Variants in GRM7 observed in about 807,000 individuals in gnomAD.
GRM7 encodes glutamate metabotropic receptor 7.
Under a neutral mutation model 84.5 loss-of-function variants are expected in GRM7, and 35 were observed. The ratio of observed to expected loss-of-function variants is 0.41; its 90% CI spans 0.32 to 0.55. The LOEUF (loss-of-function observed/expected upper bound fraction) is 0.55. Ranked by LOEUF, GRM7 falls within the 20% of genes least tolerant of loss-of-function variation. The pLI is 0.19. For missense variants in GRM7, 1,003 were observed against 1,194.6 expected, an observed-to-expected ratio of 0.84 and a Z score of 2.36; for synonymous variants, 487 against 455.1, an observed-to-expected ratio of 1.07 and a Z score of -0.89.
At chr3:6,944,766 T>A (rs1698002934) in intron 1 of GRM7, among the ~76,000 whole-genome samples, 1 of 152,158 alleles carries the variant, frequency 6.6e-6, no homozygotes, top group Non-Finnish European at 1.5e-5. Context: ...TCTGTCTTAC[T>A]TATTTGGTAG....
intron 1 of GRM7, among the ~76,000 whole-genome samples, chr3:7,064,856 C>G (rs973123737): frequency 6.6e-6 from 1 of 151,450 alleles, no homozygotes; most frequent in African/African-American, 2.4e-5. Context: ...ATGCCAACAT[C>G]TACTGTTTTT....
At chr3:6,948,040 T>C (rs1476922438) in intron 1 of GRM7, among the ~76,000 whole-genome samples, 1 of 152,210 alleles carries the variant, frequency 6.6e-6, no homozygotes, top group East Asian at 1.9e-4. Flanking sequence ...AAGGGTTTAT[T>C]GTGTCTCTAT....
chr3:7,493,898 A>G (rs919369394), intron 7 of GRM7, among the ~76,000 whole-genome samples: 1 of 152,056 alleles, frequency 6.6e-6, no homozygotes, highest in African/African-American at 2.4e-5. Context: ...ATAGTCTACT[A>G]AAGTCTACAT....
At position 7,068,495 on chromosome 3, in the gene GRM7, C is replaced by A. The variant is rs573889350; in HGVS notation, c.520-77957C>A. Among the ~76,000 whole-genome samples, 5 of 152,102 alleles carry A rather than the reference C, an allele frequency of 3.3e-5. No homozygotes were observed. In the South Asian group the frequency reaches 1.0e-3, roughly 32 times the overall value. ...CTGCAATACCCATGTATTTCATGAT[C>A]TTCTATAAGAACCGGTTTTGATTTT... is the stretch of plus-strand genomic sequence containing the variant. On this transcript the variant is annotated intron_variant, in intron 1 of 9. Coordinates refer to ENST00000357716, the MANE Select transcript of GRM7 (RefSeq NM_000844.4).
chr3:6,982,215 T>G (rs574969324), intron 1 of GRM7, among the ~76,000 whole-genome samples: 2 of 152,290 alleles, frequency 1.3e-5, no homozygotes, highest in Admixed American at 1.3e-4. Flanking sequence ...AAATACTTCA[T>G]GCTCTCATTT....
chr3:7,602,080 C>CAAAAAAAAA (rs562646639), intron 8 of GRM7, among the ~76,000 whole-genome samples: 1 of 93,798 alleles, frequency 1.1e-5, no homozygotes, highest in Non-Finnish European at 2.1e-5. Context: ...ATTACCAGGA[C>CAAAAAAAAA]AAAAAAAAAA....
rs566071996 is a variant in GRM7 at position 6,923,975 on chromosome 3, A to G, written c.519+62068A>G. Among the ~76,000 whole-genome samples the G allele has an allele frequency of 1.3e-3, 205 of 152,312 alleles. 1 individual carries two copies. The highest frequency in any genetic ancestry group is 2.5e-3 in the Non-Finnish European group (169 of 68,008). Reference sequence around the variant, plus strand: ...GTCAGTGGAGAAATAAAATGATGACATCTGATACTTATTTAAGTTGGAGTC... The same window carrying G: ...GTCAGTGGAGAAATAAAATGATGACGTCTGATACTTATTTAAGTTGGAGTC... On this transcript the variant is annotated intron_variant, in intron 1 of 9. Coordinates refer to ENST00000357716, the MANE Select transcript of GRM7 (RefSeq NM_000844.4).
At chr3:7,708,259 G>A (rs533652716) in intron 9 of GRM7, among the ~76,000 whole-genome samples, 1 of 151,500 alleles carries the variant, frequency 6.6e-6, no homozygotes, top group South Asian at 2.1e-4. Flanking sequence ...GTTATATAGA[G>A]TAAAGCCTAG....
intron 1 of GRM7, among the ~76,000 whole-genome samples, chr3:7,141,923 G>T (rs557507011): frequency 1.3e-5 from 2 of 152,072 alleles, no homozygotes; most frequent in Non-Finnish European, 2.9e-5. Context: ...AAAGTCCAAA[G>T]TAATTTCCAT....
intron 7 of GRM7, among the ~76,000 whole-genome samples, chr3:7,575,022 C>T (rs1694891805): frequency 6.6e-6 from 1 of 152,180 alleles, no homozygotes; most frequent in African/African-American, 2.4e-5. Flanking sequence ...TTTCCTAGGA[C>T]TCTACAACAA....
intron 2 of GRM7, among the ~76,000 whole-genome samples, chr3:7,161,781 C>G (rs1369860182): frequency 6.6e-6 from 1 of 152,112 alleles, no homozygotes; most frequent in South Asian, 2.1e-4. Context: ...CAAAATAGAC[C>G]TTGCCTGTGA....
intron 9 of GRM7, among the ~76,000 whole-genome samples, chr3:7,693,990 T>C (rs1477478530): frequency 6.6e-6 from 1 of 152,204 alleles, no homozygotes; most frequent in Non-Finnish European, 1.5e-5. Flanking sequence ...TGTGATGCAA[T>C]ACTGAAAAGC....
chr3:7,003,790 G>A (rs1360759012), intron 1 of GRM7, among the ~76,000 whole-genome samples: 8 of 152,150 alleles, frequency 5.3e-5, no homozygotes. Context: ...GCAGCTTAAA[G>A]CAACAATAAA....
intron 4 of GRM7, among the ~76,000 whole-genome samples, chr3:7,375,284 T>A (rs1198678115): frequency 6.7e-6 from 1 of 149,192 alleles, no homozygotes; most frequent in East Asian, 2.0e-4. Flanking sequence ...AGTAGTATGA[T>A]CTCGGCTCAC....
chr3:7,595,389 A>C (rs1357046221), intron 8 of GRM7, among the ~76,000 whole-genome samples: 1 of 152,200 alleles, frequency 6.6e-6, no homozygotes, highest in Non-Finnish European at 1.5e-5. Flanking sequence ...CTCCTTTACA[A>C]GGATCTGCTA....
chr3:7,635,888 C>A (rs1242727366), intron 8 of GRM7, among the ~76,000 whole-genome samples: 2 of 152,010 alleles, frequency 1.3e-5, no homozygotes, highest in African/African-American at 4.8e-5. Context: ...GTTGCCCAGG[C>A]TTGTCTCAGA....
At chr3:7,499,986 GA>G (rs1327255615) in intron 7 of GRM7, among the ~76,000 whole-genome samples, 1 of 152,110 alleles carries the variant, frequency 6.6e-6, no homozygotes, top group Non-Finnish European at 1.5e-5. Flanking sequence ...GTGTTAGCCA[GA>G]ATGGTCTCAA....
chr3:7,690,260 T>C (rs1700748709), intron 9 of GRM7, among the ~76,000 whole-genome samples: 1 of 152,094 alleles, frequency 6.6e-6, no homozygotes, highest in Non-Finnish European at 1.5e-5. Context: ...GTACAAAGGC[T>C]AGTAAGTACT....
intron 5 of GRM7, among the ~76,000 whole-genome samples, chr3:7,438,843 G>A (rs1697166673): frequency 1.3e-5 from 2 of 152,044 alleles, no homozygotes; most frequent in Non-Finnish European, 2.9e-5. Flanking sequence ...AATATATACA[G>A]CACAGGAGCT....
Sources: gnomAD v4.1 joint callset for allele counts (sites outside exome capture counted in the v4.1 genomes callset) on GRCh38, gnomAD v4.1.1 for gene constraint, MANE v1.5 for transcripts, NCBI Gene and HGNC (gene_info 2026-07-23, HGNC 2026-07-21) for gene names.